NTN1: variants seen among roughly 807,000 people sequenced by gnomAD.
NTN1 encodes netrin 1.
In NTN1, 11 loss-of-function variants were observed where a neutral mutation model predicts 54.2. The observed-to-expected ratio is 0.20, with a 90% CI of 0.13 to 0.34. The LOEUF is 0.34. Ranked by LOEUF, NTN1 falls within the 10% of genes least tolerant of loss-of-function variation. NTN1 has a pLI of 1.00. For synonymous variants in NTN1, 371 were observed against 382.0 expected, an observed-to-expected ratio of 0.97 and a Z score of 0.33; for missense variants, 740 against 893.1, an observed-to-expected ratio of 0.83 and a Z score of 2.18.
At chr17:9,190,315 A>G (rs1481677648) in intron 5 of NTN1, among the ~76,000 whole-genome samples, 12 of 152,236 alleles carry the variant, frequency 7.9e-5, no homozygotes, top group Admixed American at 5.9e-4. Context: ...TTGTAAAGCT[A>G]TCAGTTCGCC....
intron 5 of NTN1, among the ~76,000 whole-genome samples, chr17:9,197,816 CT>C (rs1273141577): frequency 6.6e-6 from 1 of 152,182 alleles, no homozygotes; most frequent in Non-Finnish European, 1.5e-5. Context: ...ACCAGCCTTC[CT>C]TCTGTCCTAC....
At chr17:9,112,686 G>A (rs2092196290) in intron 2 of NTN1, among the ~76,000 whole-genome samples, 1 of 151,828 alleles carries the variant, frequency 6.6e-6, no homozygotes, top group African/African-American at 2.4e-5. Context: ...TTAGCCGGGC[G>A]TGGTGGCAGG....
At chr17:9,147,739 T>C (rs1043992164) in intron 2 of NTN1, among the ~76,000 whole-genome samples, 6 of 152,266 alleles carry the variant, frequency 3.9e-5, no homozygotes, top group Middle Eastern at 3.4e-3. Flanking sequence ...TCTAGCTCCT[T>C]TGGCCAGCTG....
intron 2 of NTN1, among the ~76,000 whole-genome samples, chr17:9,079,963 C>T (rs1012467725): frequency 2.0e-5 from 3 of 151,430 alleles, no homozygotes; most frequent in African/African-American, 7.3e-5. Context: ...AGTGGTTCCC[C>T]AGCAGGCCTG....
At chr17:9,032,645 G>C (rs2091891427) in intron 2 of NTN1, among the ~76,000 whole-genome samples, 1 of 152,202 alleles carries the variant, frequency 6.6e-6, no homozygotes, top group South Asian at 2.1e-4. Flanking sequence ...AAAACACATT[G>C]TGTTTACAGA....
chr17:9,109,870 G>A (rs1265861974), intron 2 of NTN1, among the ~76,000 whole-genome samples: 1 of 152,196 alleles, frequency 6.6e-6, no homozygotes, highest in Non-Finnish European at 1.5e-5. Flanking sequence ...ATTATTGTGA[G>A]GTTAAGCATC....
Position 9,203,343 on chromosome 17 carries a change from A to G in NTN1, c.1412-17825A>G, listed in dbSNP as rs1470797602. On this transcript the variant is annotated intron_variant, in intron 5 of 6. Transcript: ENST00000173229. Reference sequence around the variant, plus strand: ...TTGAACCTCTTACTGCCTAGTTCTCACCTGTATTCCAGAGAATGAAGATAA... The same window carrying G: ...TTGAACCTCTTACTGCCTAGTTCTCGCCTGTATTCCAGAGAATGAAGATAA... Among the ~76,000 whole-genome samples the G allele has an allele frequency of 8.5e-5, 13 of 152,160 alleles. 1 individual carries two copies. Among genetic ancestry groups the G allele is most frequent in the Non-Finnish European group, 8.8e-5 (6 of 68,034 alleles).
At chr17:9,048,538 A>G (rs1291049190) in intron 2 of NTN1, among the ~76,000 whole-genome samples, 1 of 152,018 alleles carries the variant, frequency 6.6e-6, no homozygotes, top group Non-Finnish European at 1.5e-5. Context: ...CCCCTACATA[A>G]TCAGCCTGTC....
At chr17:9,188,179 G>A (rs778045875) in intron 5 of NTN1, among the ~76,000 whole-genome samples, 2 of 152,016 alleles carry the variant, frequency 1.3e-5, no homozygotes, top group Non-Finnish European at 2.9e-5. Flanking sequence ...CTGTAATCCC[G>A]GCACTATGGG....
intron 5 of NTN1, among the ~76,000 whole-genome samples, chr17:9,209,536 C>A (rs998615190): frequency 6.6e-6 from 1 of 152,172 alleles, no homozygotes; most frequent in Non-Finnish European, 1.5e-5. Flanking sequence ...GCTGTGTGCA[C>A]CTCCAGGAGC....
intron 2 of NTN1, among the ~76,000 whole-genome samples, chr17:9,154,544 G>A (rs1270998130): frequency 6.6e-6 from 1 of 152,194 alleles, no homozygotes; most frequent in Admixed American, 6.5e-5. Context: ...GGAGCCCTTT[G>A]AGAGGTTGGC....
At chr17:9,125,962 T>A (rs541130458) in intron 2 of NTN1, among the ~76,000 whole-genome samples, 2 of 152,342 alleles carry the variant, frequency 1.3e-5, no homozygotes, top group Admixed American at 1.3e-4. Context: ...ATGAGAAACC[T>A]GAAGCTGAGG....
At chr17:9,203,514 A>G (rs932795382) in intron 5 of NTN1, among the ~76,000 whole-genome samples, 9 of 152,074 alleles carry the variant, frequency 5.9e-5, no homozygotes, top group African/African-American at 2.2e-4. Flanking sequence ...AGAACTGAGG[A>G]CTGGTTGGGC....
intron 3 of NTN1, among the ~76,000 whole-genome samples, chr17:9,172,090 G>A (rs1185714145): frequency 6.6e-6 from 1 of 151,980 alleles, no homozygotes; most frequent in Non-Finnish European, 1.5e-5. Context: ...GTTTCACCAT[G>A]TTAGTCAGGC....
At chr17:9,145,916 C>CAAAAAAA (rs60504172) in intron 2 of NTN1, among the ~76,000 whole-genome samples, 2 of 89,000 alleles carry the variant, frequency 2.2e-5, no homozygotes, top group African/African-American at 8.6e-5. Flanking sequence ...GACTCCATCT[C>CAAAAAAA]AAAAAAAAAA....
chr17:9,043,618 C>T (rs2091930442), intron 2 of NTN1, among the ~76,000 whole-genome samples: 2 of 151,656 alleles, frequency 1.3e-5, no homozygotes, highest in Admixed American at 6.6e-5. Flanking sequence ...CTCTTGTTGC[C>T]CAGGCTGGAA....
Position 9,023,295 on chromosome 17 carries a change from C to G in NTN1, c.922C>G (p.His308Asp). Reference protein sequence around the residue: ...RDDSLVCDCRHNTAGPECDRC... With the variant: ...RDDSLVCDCRDNTAGPECDRC... ...CGACAGCCTGGTGTGCGACTGCAGG[C>G]ACAACACGGCCGGCCCGGAGTGCGA... The change falls in exon 2 of 7, where the codon CAC (histidine) becomes GAC (aspartate). Residue 308 changes from histidine (H) to aspartate (D), a missense_variant. Transcript: ENST00000173229. The G allele has an allele frequency of 6.5e-7, 1 of 1,549,956 alleles. No homozygotes were observed. The highest frequency in any genetic ancestry group is 8.7e-7 in the Non-Finnish European group (1 of 1,149,720).
At chr17:9,141,923 G>A (rs189457510) in intron 2 of NTN1, among the ~76,000 whole-genome samples, 96 of 152,194 alleles carry the variant, frequency 6.3e-4, no homozygotes, top group African/African-American at 1.9e-3. Flanking sequence ...TTAGCTGGGC[G>A]TACTCAGGAG....
intron 2 of NTN1, among the ~76,000 whole-genome samples, chr17:9,040,390 T>C (rs1448180784): frequency 6.6e-6 from 1 of 152,174 alleles, no homozygotes; most frequent in Non-Finnish European, 1.5e-5. Context: ...ATTTTTTCCT[T>C]CTCATTTTAT....
Sources: allele counts gnomAD v4.1 joint callset (sites outside exome capture counted in the v4.1 genomes callset), GRCh38; gene constraint gnomAD v4.1.1; transcripts MANE v1.5; gene names NCBI Gene and HGNC (gene_info 2026-07-23, HGNC 2026-07-21).